The following COL5A1 variants were observed in gnomAD, a reference collection of about 807,000 sequenced individuals.
COL5A1 encodes collagen alpha-1(V) chain.
A neutral mutation model predicts 263.7 loss-of-function variants in COL5A1; 16 were observed. The ratio of observed to expected loss-of-function variants is 0.06; its 90% CI spans 0.04 to 0.09. The LOEUF is 0.09. Among genes scored for constraint, COL5A1 ranks in the 10% least tolerant of loss-of-function variants. COL5A1 has a pLI of 1.00. For synonymous variants in COL5A1, 1,012 were observed against 1,004.5 expected, an observed-to-expected ratio of 1.01 and a Z score of -0.14; for missense variants, 2,036 against 2,540.5, an observed-to-expected ratio of 0.80 and a Z score of 4.27.
Position 134,759,819 on chromosome 9 carries a change from C to T in COL5A1, c.1935+1523C>T, listed in dbSNP as rs1436078039. On this transcript the variant is annotated intron_variant, in intron 18 of 65. Transcript: ENST00000371817. ...CACACCACACATGCACACACGCATA[C>T]ACACCCACACCCCCCCACTCACGCA... Among the ~76,000 whole-genome samples the T allele has an allele frequency of 3.0e-5, 3 of 100,382 alleles. No individual in the cohort carries two copies. In the Admixed American group the frequency reaches 3.0e-4, roughly 10 times the overall value. The allele number at this position is 100,382 out of a possible 152,430, so 65.9% of individuals were successfully genotyped here.
chr9:134,679,630 G>T (rs1237761005), intron 1 of COL5A1, among the ~76,000 whole-genome samples: 1 of 108,078 alleles, frequency 9.3e-6, no homozygotes, highest in Non-Finnish European at 1.9e-5. Flanking sequence ...GCACTGCGGG[G>T]CTTCTTAGGG....
chr9:134,764,313 A>C (rs1836579288), intron 20 of COL5A1, among the ~76,000 whole-genome samples: 1 of 61,472 alleles, frequency 1.6e-5, no homozygotes, highest in East Asian at 6.7e-4. Context: ...TGAGGTCATT[A>C]TAGGGGGTCA....
rs968891867 is a variant in COL5A1 at position 134,758,784 on chromosome 9, G to A, written c.1935+488G>A. ...GTCCCCCTGTTCCCTGTTAATGGGC[G>A]TGGATGAATTTGAAAGTGTGTCCCG... On this transcript the variant is annotated intron_variant, in intron 18 of 65. Transcript: ENST00000371817. The surrounding 1 kb of genome is among the most constrained non-coding windows in gnomAD (Gnocchi z 4.1). 2.6e-5 allele frequency among the ~76,000 whole-genome samples: 4 copies of A among 152,288 alleles called. No individual in the cohort carries two copies. Among genetic ancestry groups the A allele is most frequent in the East Asian group, 1.9e-4 (1 of 5,180 alleles).
At chr9:134,759,672 C>CCA (rs1418958422) in intron 18 of COL5A1, among the ~76,000 whole-genome samples, 1 of 116,994 alleles carries the variant, frequency 8.5e-6, no homozygotes, top group Non-Finnish European at 1.8e-5. Flanking sequence ...ATGCACACCC[C>CCA]CACACCCCCA....
At position 134,794,120 on chromosome 9, in the gene COL5A1, G is replaced by A. The variant is rs574181825; in HGVS notation, c.2701-962G>A. 3.3e-5 allele frequency among the ~76,000 whole-genome samples: 5 copies of A among 152,294 alleles called. No homozygotes were observed. Among genetic ancestry groups the A allele is most frequent in the East Asian group, 3.9e-4 (2 of 5,180 alleles). On this transcript the variant is annotated intron_variant, in intron 32 of 65. Coordinates refer to ENST00000371817, the MANE Select transcript of COL5A1 (RefSeq NM_000093.5). This position sits in a 1 kb window ranked among gnomAD's most constrained non-coding sequence, Gnocchi z 4.3. ...AGGCGGGTGAATCACGAGGTCAAGA[G>A]ATCGAGACCATCCTTGCCAACATGG...
rs1487365945 is a variant in COL5A1 at position 134,765,155 on chromosome 9, C to A, written c.2035-526C>A. On this transcript the variant is annotated intron_variant, in intron 20 of 65. Coordinates refer to ENST00000371817, the MANE Select transcript of COL5A1 (RefSeq NM_000093.5). The surrounding 1 kb of genome is among the most constrained non-coding windows in gnomAD (Gnocchi z 5.1). ...TCCTGGAAAAGATCTGTACCCCACG[C>A]CTCCTTCTGCACATTCAGTCTTGGG... Among the ~76,000 whole-genome samples, 1 of 152,166 alleles carries A rather than the reference C, an allele frequency of 6.6e-6. No individual in the cohort carries two copies. Among genetic ancestry groups the A allele is most frequent in the African/African-American group, 2.4e-5 (1 of 41,434 alleles).
In COL5A1 at chr9:134,732,147, C is replaced by T. The variant is rs759206401; in HGVS notation, c.1389+20C>T. On this transcript the variant is annotated intron_variant, in intron 9 of 65. Transcript: ENST00000371817. ...GAGCCGGTGAGGACATTTTCTCATT[C>T]CCTCCCTGCGCCGGGGTGTCCGCTG... is the stretch of plus-strand genomic sequence containing the variant. The T allele has an allele frequency of 1.9e-6, 3 of 1,613,848 alleles. No homozygotes were observed. The highest frequency in any genetic ancestry group is 1.7e-5 in the Admixed American group (1 of 60,010).
chr9:134,745,481 G>C (rs1003076006), intron 11 of COL5A1, among the ~76,000 whole-genome samples: 6 of 152,166 alleles, frequency 3.9e-5, no homozygotes, highest in Non-Finnish European at 5.9e-5. Flanking sequence ...GTCTTACCCA[G>C]AGCCCCGATT....
At chr9:134,738,708 C>G (rs1197046360) in intron 10 of COL5A1, 38 bp from the exon 11 acceptor site, 1 of 1,574,906 alleles carries the variant, frequency 6.3e-7, no homozygotes, top group Admixed American at 1.7e-5. Context: ...CCCTGCGGCC[C>G]CATCTTCTAA....
At position 134,696,591 on chromosome 9, in the gene COL5A1, G is replaced by A. The variant is rs866910211; in HGVS notation, c.278-3318G>A. Among the ~76,000 whole-genome samples, 14 of 152,314 alleles carry A rather than the reference G, an allele frequency of 9.2e-5. No individual in the cohort carries two copies. In the Middle Eastern group the frequency reaches 0.01, roughly 111 times the overall value. ...TTTGACTGTGTCACCCCAGCGCCTGGCACCAATCACTGTTTATTAGGGGAT... is the reference window on the plus strand; with the variant it reads ...TTTGACTGTGTCACCCCAGCGCCTGACACCAATCACTGTTTATTAGGGGAT... On this transcript the variant is annotated intron_variant, in intron 2 of 65. Transcript: ENST00000371817. This position sits in a 1 kb window ranked among gnomAD's most constrained non-coding sequence, Gnocchi z 4.3.
At chr9:134,771,202 G>T (rs1300011266) in intron 25 of COL5A1, among the ~76,000 whole-genome samples, 1 of 152,258 alleles carries the variant, frequency 6.6e-6, no homozygotes, top group African/African-American at 2.4e-5. Context: ...CCAGAGCCGG[G>T]CTCTCGGCCC....
chr9:134,771,605 A>G (rs1233364755), intron 25 of COL5A1, among the ~76,000 whole-genome samples: 1 of 152,172 alleles, frequency 6.6e-6, no homozygotes, highest in Admixed American at 6.5e-5. Flanking sequence ...CACACGAACC[A>G]TTTAATTGAG....
intron 37 of COL5A1, among the ~76,000 whole-genome samples, chr9:134,799,812 T>C (rs1838043398): frequency 6.6e-6 from 1 of 152,234 alleles, no homozygotes; most frequent in Non-Finnish European, 1.5e-5. Flanking sequence ...CTCTAATGCC[T>C]TTTCAAGGAG....
intron 41 of COL5A1, among the ~76,000 whole-genome samples, chr9:134,805,551 G>A (rs552038321): frequency 6.6e-6 from 1 of 152,314 alleles, no homozygotes; most frequent in African/African-American, 2.4e-5. Flanking sequence ...GGGCCAGCAG[G>A]GGAAGAAACA....
rs533088493 is a variant in COL5A1, at chr9:134,757,961, G to A, written c.1882-282G>A. ...ACACACACGGGAAACTGCAGCGGTC[G>A]CTGAAATACCGCATGACTAAGGACC... On this transcript the variant is annotated intron_variant, in intron 17 of 65. Coordinates refer to ENST00000371817, the MANE Select transcript of COL5A1 (RefSeq NM_000093.5). The surrounding 1 kb of genome is among the most constrained non-coding windows in gnomAD (Gnocchi z 6.2). Among the ~76,000 whole-genome samples the A allele has an allele frequency of 1.2e-4, 18 of 152,312 alleles. No individual in the cohort carries two copies. Among genetic ancestry groups the A allele is most frequent in the African/African-American group, 3.1e-4 (13 of 41,562 alleles).
intron 10 of COL5A1, 50 bp downstream of exon 10, chr9:134,738,565 G>A (rs766405356): frequency 1.9e-6 from 3 of 1,611,114 alleles, no homozygotes; most frequent in Non-Finnish European, 2.5e-6. Flanking sequence ...TCTTGGTGGG[G>A]TGGGGTTGGT....
intron 54 of COL5A1, 120 bp downstream of exon 54, chr9:134,817,951 G>C: frequency 9.9e-7 from 1 of 1,012,992 alleles, no homozygotes; most frequent in South Asian, 1.4e-5. Flanking sequence ...GGCTGCCCCA[G>C]GGGCACCTGG....
chr9:134,721,300 C>T (rs1834444984), intron 4 of COL5A1, among the ~76,000 whole-genome samples: 1 of 151,150 alleles, frequency 6.6e-6, no homozygotes, highest in Non-Finnish European at 1.5e-5. Flanking sequence ...CCAGGCTCCC[C>T]CATAGTACCC....
At chr9:134,747,653 G>A (rs1676453413) in intron 11 of COL5A1, among the ~76,000 whole-genome samples, 2 of 133,318 alleles carry the variant, frequency 1.5e-5, no homozygotes, top group South Asian at 4.9e-4. Flanking sequence ...TCATACACAT[G>A]CAGACACATG....
Sources: allele counts gnomAD v4.1 joint callset (sites outside exome capture counted in the v4.1 genomes callset), GRCh38; gene constraint gnomAD v4.1.1; non-coding constraint Gnocchi (gnomAD v3.1); transcripts MANE v1.5; gene names NCBI Gene and HGNC (gene_info 2026-07-23, HGNC 2026-07-21).